The following COL23A1 variants were observed in gnomAD, a reference collection of about 807,000 sequenced individuals.
COL23A1 encodes the protein collagen alpha-1(XXIII) chain.
In COL23A1, 97 loss-of-function variants were observed where a neutral mutation model predicts 99.3. That is an observed-to-expected ratio of 0.98 (90% confidence interval 0.83 to 1.16). The LOEUF (loss-of-function observed/expected upper bound fraction) is 1.16, where lower values mean the gene tolerates loss of function less well. COL23A1 is among the 50% of genes most tolerant of loss of function. The pLI is 0.00. For missense variants in COL23A1, 762 were observed against 757.4 expected, an observed-to-expected ratio of 1.01 and a Z score of -0.07; for synonymous variants, 320 against 308.2, an observed-to-expected ratio of 1.04 and a Z score of -0.40.
intron 2 of COL23A1, among the ~76,000 whole-genome samples, chr5:178,448,773 A>T (rs1462978067): frequency 3.3e-5 from 5 of 152,114 alleles, no homozygotes; most frequent in Admixed American, 6.5e-5. Flanking sequence ...TTTCCCACAC[A>T]TGAAGTCTGG....
intron 2 of COL23A1, among the ~76,000 whole-genome samples, chr5:178,516,257 A>T (rs1469355227): frequency 6.6e-6 from 1 of 152,146 alleles, no homozygotes; most frequent in Non-Finnish European, 1.5e-5. Flanking sequence ...CTGCAGAAGA[A>T]TCGCCCAGCT....
At chr5:178,296,307 G>A (rs779330149) in intron 3 of COL23A1, among the ~76,000 whole-genome samples, 7 of 152,264 alleles carry the variant, frequency 4.6e-5, no homozygotes, top group East Asian at 3.9e-4. Context: ...AGCACTCCTC[G>A]TGCACCGGCA....
chr5:178,480,381 G>A (rs547891866), intron 2 of COL23A1, among the ~76,000 whole-genome samples: 2 of 152,178 alleles, frequency 1.3e-5, no homozygotes, highest in South Asian at 4.2e-4. Context: ...GTTTCCCTCC[G>A]CAGGAGCCAG....
chr5:178,574,322 G>A lies in COL23A1; in HGVS notation c.295-13574C>T, dbSNP rs115300166. 4.7e-3 allele frequency among the ~76,000 whole-genome samples: 713 copies of A among 152,256 alleles called. 4 individuals are homozygous for A. The highest frequency in any genetic ancestry group is 0.016 in the African/African-American group (676 of 41,542). ...CTTATTGGAGATGCTGGTCATGGGC[G>A]CATATATTTGTCAACATCCATCTAA... On this transcript the variant is annotated intron_variant, in intron 1 of 28. Transcript: ENST00000390654.
At chr5:178,292,215 G>C (rs1757498764) in intron 3 of COL23A1, among the ~76,000 whole-genome samples, 1 of 123,636 alleles carries the variant, frequency 8.1e-6, no homozygotes, top group South Asian at 2.4e-4. Context: ...ACCAGCACTT[G>C]CGCCTGTGCC....
In COL23A1 at chr5:178,308,257, G is replaced by C. The variant is rs768224776; in HGVS notation, c.362-1338C>G. ...TGGAGAGGGGCCCTCAGTGCTACAC[G>C]ACACGTCAAAAGATTTGCAGGCCCA... is the stretch of plus-strand genomic sequence containing the variant. On this transcript the variant is annotated intron_variant, in intron 2 of 28. Coordinates refer to ENST00000390654, the MANE Select transcript of COL23A1 (RefSeq NM_173465.4). This position sits in a 1 kb window ranked among gnomAD's most constrained non-coding sequence, Gnocchi z 5.1. Among the ~76,000 whole-genome samples the C allele has an allele frequency of 6.6e-6, 1 of 152,162 alleles. No individual in the cohort carries two copies. Among genetic ancestry groups the C allele is most frequent in the African/African-American group, 2.4e-5 (1 of 41,424 alleles).
chr5:178,588,182 A>G (rs540022953), intron 1 of COL23A1, among the ~76,000 whole-genome samples: 40 of 152,308 alleles, frequency 2.6e-4, no homozygotes, highest in African/African-American at 9.4e-4. Context: ...CAAGCACTGT[A>G]GTTCACCCAG....
intron 2 of COL23A1, among the ~76,000 whole-genome samples, chr5:178,553,047 G>A (rs1322548191): frequency 6.6e-6 from 1 of 151,920 alleles, no homozygotes; most frequent in Non-Finnish European, 1.5e-5. Context: ...GCACACGCCT[G>A]TGGTCCCAGC....
chr5:178,422,722 CG>C (rs34841177), intron 2 of COL23A1, among the ~76,000 whole-genome samples: 1 of 152,038 alleles, frequency 6.6e-6, no homozygotes, highest in Non-Finnish European at 1.5e-5. Context: ...CACGTAACGC[CG>C]GGGACTGTCA....
At chr5:178,431,491 C>T (rs973886637) in intron 2 of COL23A1, among the ~76,000 whole-genome samples, 2 of 152,142 alleles carry the variant, frequency 1.3e-5, no homozygotes, top group South Asian at 2.1e-4. Context: ...GATATCGAGA[C>T]GGGGAGACTA....
At chr5:178,527,652 T>A (rs1391749758) in intron 2 of COL23A1, among the ~76,000 whole-genome samples, 1 of 152,180 alleles carries the variant, frequency 6.6e-6, no homozygotes, top group Non-Finnish European at 1.5e-5. Context: ...CAACTGCACA[T>A]CCCCAGTGGG....
At chr5:178,455,523 C>T (rs894322265) in intron 2 of COL23A1, among the ~76,000 whole-genome samples, 2 of 152,180 alleles carry the variant, frequency 1.3e-5, no homozygotes, top group African/African-American at 4.8e-5. Flanking sequence ...GCTCTCAGGC[C>T]ACAGAACCCC....
chr5:178,383,880 G>GA (rs34212112), intron 2 of COL23A1, among the ~76,000 whole-genome samples: 9,724 of 98,526 alleles, frequency 0.099, 381 homozygotes, highest in African/African-American at 0.13. Context: ...GACAGAAATA[G>GA]AAAAAAAAAA....
At chr5:178,534,215 A>C (rs1760807856) in intron 2 of COL23A1, among the ~76,000 whole-genome samples, 1 of 152,172 alleles carries the variant, frequency 6.6e-6, no homozygotes, top group Admixed American at 6.6e-5. Context: ...TGAGGGTCTG[A>C]GTCCTCATAG....
At chr5:178,396,796 A>G (rs1764173068) in intron 2 of COL23A1, among the ~76,000 whole-genome samples, 1 of 135,330 alleles carries the variant, frequency 7.4e-6, no homozygotes, top group Non-Finnish European at 1.6e-5. Flanking sequence ...TTCGGCTCTC[A>G]GCTCCAAACG....
chr5:178,425,073 C>T (rs934857530), intron 2 of COL23A1, among the ~76,000 whole-genome samples: 11 of 152,170 alleles, frequency 7.2e-5, no homozygotes, highest in African/African-American at 2.2e-4. Context: ...ATGGAGACAA[C>T]GCATGCCTGG....
chr5:178,391,380 A>G (rs1763954793), intron 2 of COL23A1, among the ~76,000 whole-genome samples: 1 of 152,258 alleles, frequency 6.6e-6, no homozygotes, highest in Non-Finnish European at 1.5e-5. Flanking sequence ...TACGTAAAGG[A>G]TTCTTACAAG....
intron 2 of COL23A1, among the ~76,000 whole-genome samples, chr5:178,331,894 A>G (rs1760047352): frequency 6.6e-6 from 1 of 152,220 alleles, no homozygotes; most frequent in African/African-American, 2.4e-5. Flanking sequence ...GGAGGAAGGC[A>G]CGCAAAAGCC....
rs1193637344 is a variant in COL23A1, at chr5:178,257,565, G to A, written c.732C>T (p.Gly244=). The A allele has an allele frequency of 4.0e-5, 63 of 1,557,936 alleles. No individual in the cohort carries two copies. The highest frequency in any genetic ancestry group is 5.1e-5 in the Non-Finnish European group (59 of 1,150,986). The change falls in exon 13 of 29, where the codon GGC becomes GGT. Residue 244 remains glycine, a splice_region_variant and synonymous_variant. Coordinates refer to ENST00000390654, the MANE Select transcript of COL23A1 (RefSeq NM_173465.4). ...KGEPGVPGKK[G]DDGTPSQPGP... ...CAGGCTGGCTTGGTGTCCCATCGTC[G>A]CCCTGAGGAGAGGACACCTGGGGCT...
Sources: gnomAD v4.1 joint callset for allele counts (sites outside exome capture counted in the v4.1 genomes callset) on GRCh38, gnomAD v4.1.1 for gene constraint, Gnocchi (gnomAD v3.1) non-coding constraint, MANE v1.5 for transcripts, NCBI Gene and HGNC (gene_info 2026-07-23, HGNC 2026-07-21) for gene names.